Variants in ADCY2 observed in about 807,000 individuals in gnomAD.
ADCY2 encodes the protein adenylate cyclase 2, also known as adenylate cyclase type 2.
ADCY2 carries 31 observed loss-of-function variants against 125.2 expected under a neutral mutation model. The observed-to-expected ratio is 0.25, with a 90% CI of 0.19 to 0.33. ADCY2 has a LOEUF of 0.33. Ranked by LOEUF, ADCY2 falls within the 10% of genes least tolerant of loss-of-function variation. The probability of loss-of-function intolerance (pLI) is 1.00; values close to 1 mark genes in which losing one functional copy is unlikely to be tolerated. For missense variants in ADCY2, 904 were observed against 1,418.2 expected (o/e 0.64, Z 5.82); for synonymous variants, 512 against 548.4 (o/e 0.93, Z 0.93).
At chr5:7,502,672 G>A (rs1439062307) in intron 2 of ADCY2, among the ~76,000 whole-genome samples, 1 of 152,192 alleles carries the variant, frequency 6.6e-6, no homozygotes, top group Non-Finnish European at 1.5e-5. Flanking sequence ...TGAATTCATG[G>A]TTTTACATTT....
intron 17 of ADCY2, among the ~76,000 whole-genome samples, chr5:7,770,501 G>A (rs566776802): frequency 6.6e-6 from 1 of 152,192 alleles, no homozygotes; most frequent in Non-Finnish European, 1.5e-5. Context: ...AAGGACTTTA[G>A]TTTATCATAA....
At chr5:7,598,556 C>G (rs914556518) in intron 3 of ADCY2, among the ~76,000 whole-genome samples, 11 of 152,146 alleles carry the variant, frequency 7.2e-5, no homozygotes, top group African/African-American at 2.7e-4. Context: ...AACACACATC[C>G]TTGGTCTTCA....
intron 19 of ADCY2, among the ~76,000 whole-genome samples, chr5:7,788,246 C>G (rs1196727595): frequency 6.6e-6 from 1 of 152,182 alleles, no homozygotes; most frequent in East Asian, 1.9e-4. Flanking sequence ...GTGGCTCAAT[C>G]TCTGCTCCCT....
chr5:7,642,501 T>C (rs1281771869), intron 4 of ADCY2, among the ~76,000 whole-genome samples: 2 of 152,172 alleles, frequency 1.3e-5, no homozygotes, highest in Non-Finnish European at 2.9e-5. Flanking sequence ...TTATTTTCTA[T>C]TGCTGTACAG....
chr5:7,785,599 C>T (rs1744059332), intron 19 of ADCY2, among the ~76,000 whole-genome samples: 2 of 152,062 alleles, frequency 1.3e-5, no homozygotes, highest in Non-Finnish European at 2.9e-5. Context: ...TTTCTCACGA[C>T]TGGCCGTCTT....
intron 2 of ADCY2, among the ~76,000 whole-genome samples, chr5:7,468,325 G>A (rs958296163): frequency 1.3e-5 from 2 of 152,186 alleles, no homozygotes; most frequent in African/African-American, 4.8e-5. Flanking sequence ...TCTTTGTGAA[G>A]TGTTCTTTGA....
chr5:7,578,234 T>A (rs1736315481), intron 3 of ADCY2, among the ~76,000 whole-genome samples: 1 of 152,234 alleles, frequency 6.6e-6, no homozygotes, highest in African/African-American at 2.4e-5. Flanking sequence ...TGGCATGTAA[T>A]GTCTGAGAGC....
chr5:7,451,863 A>G (rs1027179491), intron 2 of ADCY2, among the ~76,000 whole-genome samples: 4 of 152,234 alleles, frequency 2.6e-5, no homozygotes, highest in Admixed American at 6.5e-5. Context: ...TAATGCACCC[A>G]TCACAGAAGT....
At chr5:7,643,034 T>A (rs1436085539) in intron 4 of ADCY2, among the ~76,000 whole-genome samples, 5 of 152,006 alleles carry the variant, frequency 3.3e-5, no homozygotes, top group Admixed American at 3.3e-4. Flanking sequence ...GAATTTTTTT[T>A]ATTTTTTTAA....
intron 12 of ADCY2, among the ~76,000 whole-genome samples, chr5:7,721,730 G>T (rs952851407): frequency 1.3e-5 from 2 of 152,098 alleles, no homozygotes; most frequent in African/African-American, 4.8e-5. Context: ...ATTTCTGAGG[G>T]CTCTGTTCTG....
At chr5:7,446,349 T>C (rs1227362055) in intron 2 of ADCY2, among the ~76,000 whole-genome samples, 4 of 152,224 alleles carry the variant, frequency 2.6e-5, no homozygotes, top group Admixed American at 1.3e-4. Flanking sequence ...AAATAATTTT[T>C]ATTCTAAATT....
At chr5:7,816,789 T>C in intron 22 of ADCY2, 77 bp from the exon 23 acceptor site, 2 of 1,178,708 alleles carry the variant, frequency 1.7e-6, no homozygotes, top group Non-Finnish European at 2.5e-6. Flanking sequence ...TGCCTAAAGC[T>C]CAGGTTTGGG....
At chr5:7,571,946 A>G (rs376848827) in intron 3 of ADCY2, among the ~76,000 whole-genome samples, 3 of 152,290 alleles carry the variant, frequency 2.0e-5, no homozygotes, top group Non-Finnish European at 2.9e-5. Flanking sequence ...AGCTTCATCC[A>G]TGTCCCTGCA....
intron 12 of ADCY2, among the ~76,000 whole-genome samples, chr5:7,723,699 G>A (rs183759832): frequency 1.3e-5 from 2 of 152,076 alleles, no homozygotes; most frequent in Non-Finnish European, 2.9e-5. Context: ...GAGGCGCGTG[G>A]ACCACGAGGT....
intron 3 of ADCY2, among the ~76,000 whole-genome samples, chr5:7,586,656 G>T (rs920594158): frequency 6.6e-6 from 1 of 152,122 alleles, no homozygotes; most frequent in African/African-American, 2.4e-5. Context: ...CAGCTCACCG[G>T]CTGTCTTTAG....
At chr5:7,740,002 G>A (rs146484643) in intron 14 of ADCY2, among the ~76,000 whole-genome samples, 3 of 151,758 alleles carry the variant, frequency 2.0e-5, no homozygotes, top group Admixed American at 6.6e-5. Flanking sequence ...AGAAAGAATT[G>A]GTCAAATATT....
At chr5:7,812,849 G>T (rs1031879243) in intron 22 of ADCY2, among the ~76,000 whole-genome samples, 1 of 152,208 alleles carries the variant, frequency 6.6e-6, no homozygotes, top group Non-Finnish European at 1.5e-5. Flanking sequence ...GGCGGAGGTT[G>T]CAGTGAGCCA....
chr5:7,451,948 A>G (rs1025362527), intron 2 of ADCY2, among the ~76,000 whole-genome samples: 31 of 152,010 alleles, frequency 2.0e-4, no homozygotes, highest in Admixed American at 4.6e-4. Context: ...GTCTTGCTCT[A>G]TTGCCCAGTC....
intron 24 of ADCY2, among the ~76,000 whole-genome samples, chr5:7,823,803 C>T (rs1257882265): frequency 4.6e-5 from 7 of 152,162 alleles, no homozygotes; most frequent in East Asian, 3.9e-4. Context: ...TCCTGGAGAT[C>T]GTAAATCTCC....
Sources: allele counts gnomAD v4.1 joint callset (sites outside exome capture counted in the v4.1 genomes callset), GRCh38; gene constraint gnomAD v4.1.1; transcripts MANE v1.5; gene names NCBI Gene and HGNC (gene_info 2026-07-23, HGNC 2026-07-21).